MSX1: variants seen among roughly 807,000 people sequenced by gnomAD.
MSX1 encodes the protein homeobox protein MSX-1.
Under a neutral mutation model 17.0 loss-of-function variants are expected in MSX1, and 11 were observed. The ratio of observed to expected loss-of-function variants is 0.65; its 90% confidence interval spans 0.41 to 1.07. The LOEUF (loss-of-function observed/expected upper bound fraction) is 1.07. Among genes scored for constraint, MSX1 ranks in the 50% least tolerant of loss-of-function variants. MSX1 has a pLI of 0.00. For synonymous variants in MSX1, 253 were observed against 211.8 expected (o/e 1.19, Z -1.69); for missense variants, 477 against 440.1 (o/e 1.08, Z -0.75).
chr4:4,860,425 T>A, intron 1 of MSX1, 57 bp downstream of exon 1: 1 of 1,491,812 alleles, frequency 6.7e-7, no homozygotes, highest in Non-Finnish European at 9.0e-7. Context: ...CCGGGTGGGG[T>A]GTGGGACCCG....
At chr4:4,860,716 T>G (rs778289593) in intron 1 of MSX1, among the ~76,000 whole-genome samples, 31 of 152,208 alleles carry the variant, frequency 2.0e-4, no homozygotes, top group Admixed American at 1.8e-3. Context: ...GATGAATGTG[T>G]GTGGTGCGGT....
chr4:4,860,720 G>C (rs1413818977), intron 1 of MSX1, among the ~76,000 whole-genome samples: 1 of 152,212 alleles, frequency 6.6e-6, no homozygotes, highest in Admixed American at 6.5e-5. Context: ...AATGTGTGTG[G>C]TGCGGTATCT....
At position 4,863,163 on chromosome 4, in the gene MSX1, C is replaced by G; in HGVS notation, c.*20C>G. On this transcript the variant is annotated 3_prime_UTR_variant, in exon 2 of 2. Transcript: ENST00000382723. The stretch of plus-strand genomic sequence containing the variant: ...ACATAGAGGGTCCCAGGTCGCCCAC[C>G]TGTGGGCCAGCCGATTCCTCCAGCC... 6.3e-7 allele frequency: 1 copy of G among 1,576,854 alleles called. No homozygotes were observed. Among genetic ancestry groups the G allele is most frequent in the Non-Finnish European group, 8.6e-7 (1 of 1,168,844 alleles).
chr4:4,861,494 CTGTT>C lies in MSX1; in HGVS notation c.469+1134_469+1137del, dbSNP rs199659869. 9.8e-3 allele frequency among the ~76,000 whole-genome samples: 1,499 copies of C among 152,316 alleles called. 26 individuals carry two copies. Among genetic ancestry groups the C allele is most frequent in the African/African-American group, 0.033 (1,363 of 41,554 alleles). ...TTTTCTTTGTTTTGTTTTGTTTTTT[CTGTT>C]TGTTTGTGGTTGTTTTTTAGAGAGG... On this transcript the variant is annotated intron_variant, in intron 1 of 1. Coordinates refer to ENST00000382723, the MANE Select transcript of MSX1 (RefSeq NM_002448.3).
chr4:4,862,442 C>T, intron 1 of MSX1: 1 of 675,810 alleles, frequency 1.5e-6, no homozygotes, highest in Non-Finnish European at 2.7e-6. Context: ...ATGTGGACAT[C>T]GAGCCTTCAA....
rs1737964254 is a variant in MSX1, at chr4:4,863,181, C to T, written c.*38C>T. On this transcript the variant is annotated 3_prime_UTR_variant, in exon 2 of 2. Transcript: ENST00000382723. ...CGCCCACCTGTGGGCCAGCCGATTC[C>T]TCCAGCCCTGGTGCTGTACCCCCGA... The T allele has an allele frequency of 6.4e-7, 1 of 1,562,654 alleles. No homozygotes were observed. Among genetic ancestry groups the T allele is most frequent in the Non-Finnish European group, 8.6e-7 (1 of 1,160,558 alleles).
At chr4:4,862,531 A>G (rs952967579) in intron 1 of MSX1, 170 bp from the exon 2 acceptor site, 2 of 841,654 alleles carry the variant, frequency 2.4e-6, no homozygotes, top group African/African-American at 1.7e-5. Flanking sequence ...CGGGGTTGCA[A>G]TGGGAATTGG....
At position 4,860,307 on chromosome 4, in the gene MSX1, CCCCGAGAAG is replaced by C. The variant is rs1375907445; in HGVS notation, c.416_424del (p.Lys139_Glu141del). 3 of 1,602,900 alleles carry C rather than the reference CCCCGAGAAG, an allele frequency of 1.9e-6. No homozygotes were observed. Among genetic ancestry groups the C allele is most frequent in the African/African-American group, 2.7e-5 (2 of 74,898 alleles). Reference sequence around the variant, plus strand: ...AAGATGCGCTCGTCAAAGCCGAGAGCCCCGAGAAGCCCGAGAGGACCCCGTGGATGCAGA... The same window carrying C: ...AAGATGCGCTCGTCAAAGCCGAGAGCCCCGAGAGGACCCCGTGGATGCAGA... On this transcript the variant is annotated inframe_deletion, in exon 1 of 2. Transcript: ENST00000382723.
In MSX1 at chr4:4,863,071, C is replaced by T. The variant is rs1353600787; in HGVS notation, c.840C>T (p.Arg280=). The change falls in exon 2 of 2, where the codon CGC becomes CGT. Residue 280 remains arginine, a synonymous_variant. Coordinates refer to ENST00000382723, the MANE Select transcript of MSX1 (RefSeq NM_002448.3). ...SLYGASGPFQ[R]AALPVAPVGL... ...ACGGTGCCTCTGGCCCCTTCCAGCG[C>T]GCCGCGCTGCCTGTGGCGCCCGTGG... is the stretch of plus-strand genomic sequence containing the variant. 3.0e-5 allele frequency: 49 copies of T among 1,608,380 alleles called. No individual in the cohort carries two copies. The highest frequency in any genetic ancestry group is 4.0e-5 in the Non-Finnish European group (47 of 1,178,262).
At position 4,863,032 on chromosome 4, in the gene MSX1, G is replaced by GGGTGCCTCGCTCTAC; in HGVS notation, c.810_824dup (p.Leu271_Ser275dup). 6.2e-7 allele frequency: 1 copy of GGGTGCCTCGCTCTAC among 1,610,120 alleles called. No homozygotes were observed. Among genetic ancestry groups the GGGTGCCTCGCTCTAC allele is most frequent in the Non-Finnish European group, 8.5e-7 (1 of 1,178,836 alleles). On this transcript the variant is annotated inframe_insertion, in exon 2 of 2. Transcript: ENST00000382723. Reference sequence around the variant, plus strand: ...GCCCCGCAGCTGTAGCGGCCGCGGCGGGTGCCTCGCTCTACGGTGCCTCTG... The same window carrying GGGTGCCTCGCTCTAC: ...GCCCCGCAGCTGTAGCGGCCGCGGCGGGTGCCTCGCTCTACGGTGCCTCGCTCTACGGTGCCTCTG...
At chr4:4,862,215 T>A (rs1457089780) in intron 1 of MSX1, among the ~76,000 whole-genome samples, 1 of 152,230 alleles carries the variant, frequency 6.6e-6, no homozygotes, top group Non-Finnish European at 1.5e-5. Context: ...AGCCCCACAC[T>A]GAAGCACTCC....
In MSX1 at chr4:4,860,277, G is replaced by C. The variant is rs767895577; in HGVS notation, c.378G>C (p.Leu126=). 10 of 1,597,848 alleles carry C rather than the reference G, an allele frequency of 6.3e-6. No homozygotes were observed. In the African/African-American group the frequency reaches 1.3e-4, roughly 21 times the overall value. The change falls in exon 1 of 2, where the codon CTG becomes CTC. Residue 126 remains leucine, a synonymous_variant. Coordinates refer to ENST00000382723, the MANE Select transcript of MSX1 (RefSeq NM_002448.3). ...TCTCGGTGGGGGGACTCCTCAAGCT[G>C]CCAGAAGATGCGCTCGTCAAAGCCG... ...GHFSVGGLLK[L]PEDALVKAES... is the part of the protein sequence containing the mutation.
chr4:4,860,969 C>A (rs1017140685), intron 1 of MSX1, among the ~76,000 whole-genome samples: 3 of 152,214 alleles, frequency 2.0e-5, no homozygotes, highest in Non-Finnish European at 4.4e-5. Context: ...AAGGCGCCCC[C>A]GCTAATCCTA....
At chr4:4,861,327 C>G (rs1280751813) in intron 1 of MSX1, among the ~76,000 whole-genome samples, 2 of 152,244 alleles carry the variant, frequency 1.3e-5, no homozygotes, top group Admixed American at 1.3e-4. Flanking sequence ...GCCCGCCCCT[C>G]GGGCGGCCCG....
At chr4:4,861,451 G>C (rs1737914641) in intron 1 of MSX1, among the ~76,000 whole-genome samples, 1 of 152,264 alleles carries the variant, frequency 6.6e-6, no homozygotes, top group Non-Finnish European at 1.5e-5. Context: ...TGGTCTGAAA[G>C]TCCAAAGGAT....
At chr4:4,860,455 G>GGC in intron 1 of MSX1, 87 bp downstream of exon 1, 1 of 1,485,794 alleles carries the variant, frequency 6.7e-7, no homozygotes. Flanking sequence ...GGTGGCCTCC[G>GGC]GCGCCTGCGT....
rs745317876 is a variant in MSX1, at chr4:4,862,947, A to G, written c.716A>G (p.Lys239Arg). The change falls in exon 2 of 2, where the codon AAG (lysine) becomes AGG (arginine). Residue 239 changes from lysine to arginine, a missense_variant. Coordinates refer to ENST00000382723, the MANE Select transcript of MSX1 (RefSeq NM_002448.3). ...CAAGAGGCAGAGCTGGAGAAGCTGA[A>G]GATGGCCGCCAAGCCCATGCTGCCA... ...RLQEAELEKL[K>R]MAAKPMLPPA... The G allele has an allele frequency of 1.4e-5, 23 of 1,613,164 alleles. No individual in the cohort carries two copies. The highest frequency in any genetic ancestry group is 1.8e-5 in the Non-Finnish European group (21 of 1,180,010).
intron 1 of MSX1, among the ~76,000 whole-genome samples, chr4:4,861,708 C>T (rs1165894754): frequency 5.9e-5 from 9 of 152,202 alleles, no homozygotes; most frequent in Admixed American, 2.0e-4. Context: ...ACATTTTATC[C>T]GGGGGCAGTC....
Position 4,861,754 on chromosome 4 carries a change from G to T in MSX1, c.470-947G>T, listed in dbSNP as rs549577347. ...CCCATCCCCGACCTGCACTAGTCCTGCGCTCTGATGCTTCTTCACTGTCCA... is the reference window on the plus strand; with the variant it reads ...CCCATCCCCGACCTGCACTAGTCCTTCGCTCTGATGCTTCTTCACTGTCCA... On this transcript the variant is annotated intron_variant, in intron 1 of 1. Coordinates refer to ENST00000382723, the MANE Select transcript of MSX1 (RefSeq NM_002448.3). Among the ~76,000 whole-genome samples, 8 of 152,322 alleles carry T rather than the reference G, an allele frequency of 5.3e-5. No homozygotes were observed. The East Asian group carries it at 1.5e-3, about 29-fold the overall frequency.
Sources: allele counts gnomAD v4.1 joint callset (sites outside exome capture counted in the v4.1 genomes callset), GRCh38; gene constraint gnomAD v4.1.1; transcripts MANE v1.5; gene names NCBI Gene and HGNC (gene_info 2026-07-23, HGNC 2026-07-21).